Variants in IKZF3 observed in about 807,000 individuals in gnomAD.
IKZF3 encodes IKAROS family zinc finger 3.
A neutral mutation model predicts 49.0 loss-of-function variants in IKZF3; 10 were observed. That is an observed-to-expected ratio of 0.20 (90% CI 0.13 to 0.35). The LOEUF is 0.35. Among genes scored for constraint, IKZF3 ranks in the 10% least tolerant of loss-of-function variants. The pLI is 1.00. For synonymous variants in IKZF3, 209 were observed against 228.2 expected (o/e 0.92, Z 0.76); for missense variants, 498 against 664.8 (o/e 0.75, Z 2.76).
At chr17:39,795,914 C>T (rs949855292) in intron 3 of IKZF3, among the ~76,000 whole-genome samples, 4 of 151,636 alleles carry the variant, frequency 2.6e-5, no homozygotes, top group Non-Finnish European at 5.9e-5. Context: ...ATTAGCTGGG[C>T]ATGGTGGCTC....
chr17:39,777,552 C>T (rs1456756880), intron 7 of IKZF3, 99 bp downstream of exon 7: 1 of 725,230 alleles, frequency 1.4e-6, no homozygotes. Context: ...ATTATTTTAA[C>T]AGAGGTTAAG....
intron 3 of IKZF3, among the ~76,000 whole-genome samples, chr17:39,818,409 T>A (rs917085798): frequency 6.6e-6 from 1 of 152,194 alleles, no homozygotes; most frequent in Admixed American, 6.5e-5. Flanking sequence ...TTGTTGACTC[T>A]CTCTCAAAAT....
At chr17:39,859,495 C>T (rs1474723336) in intron 1 of IKZF3, among the ~76,000 whole-genome samples, 1 of 151,860 alleles carries the variant, frequency 6.6e-6, no homozygotes. Flanking sequence ...CTCAAGCCAT[C>T]TTCCTACCTC....
At chr17:39,768,406 G>A (rs531875575) in intron 7 of IKZF3, among the ~76,000 whole-genome samples, 1 of 152,336 alleles carries the variant, frequency 6.6e-6, no homozygotes, top group African/African-American at 2.4e-5. Flanking sequence ...GACGTGTGCA[G>A]AAAGCGAGTC....
intron 1 of IKZF3, among the ~76,000 whole-genome samples, chr17:39,855,195 C>G (rs2063000945): frequency 6.6e-6 from 1 of 152,166 alleles, no homozygotes; most frequent in Non-Finnish European, 1.5e-5. Flanking sequence ...ATTACACTTG[C>G]ATCTGATCCC....
intron 3 of IKZF3, among the ~76,000 whole-genome samples, chr17:39,796,542 C>CT (rs1224946640): frequency 0.077 from 10,391 of 134,984 alleles, 738 homozygotes; most frequent in African/African-American, 0.18. Flanking sequence ...ACATTCCTTT[C>CT]TTTTTTTTTT....
At chr17:39,829,583 C>A in intron 2 of IKZF3, 95 bp from the exon 3 acceptor site, 1 of 821,032 alleles carries the variant, frequency 1.2e-6, no homozygotes, top group South Asian at 1.6e-5. Context: ...TTCAGCTTCA[C>A]ACAATCCTTT....
intron 1 of IKZF3, among the ~76,000 whole-genome samples, chr17:39,848,235 G>A (rs1271527769): frequency 1.3e-5 from 2 of 152,016 alleles, no homozygotes; most frequent in Non-Finnish European, 2.9e-5. Context: ...TTTTCTCCTA[G>A]ATTAAGTGTT....
chr17:39,797,671 T>A (rs1441686989), intron 3 of IKZF3, among the ~76,000 whole-genome samples: 2 of 151,970 alleles, frequency 1.3e-5, no homozygotes, highest in Non-Finnish European at 2.9e-5. Flanking sequence ...GATCCACCTG[T>A]CTTGGCCTCC....
chr17:39,857,546 T>TG (rs573763855), intron 1 of IKZF3, among the ~76,000 whole-genome samples: 2 of 152,242 alleles, frequency 1.3e-5, no homozygotes, highest in South Asian at 4.1e-4. Context: ...TTGTATTTTG[T>TG]GGGGGGCATG....
intron 3 of IKZF3, among the ~76,000 whole-genome samples, chr17:39,810,460 G>T (rs1440818362): frequency 6.6e-6 from 1 of 151,908 alleles, no homozygotes; most frequent in African/African-American, 2.4e-5. Context: ...ACTCCATCAT[G>T]AATTTAAAAA....
Position 39,839,800 on chromosome 17 carries a change from C to CAGGT in IKZF3, c.8-7653_8-7650dup, listed in dbSNP as rs1295356268. On this transcript the variant is annotated intron_variant, in intron 1 of 7. Coordinates refer to ENST00000346872, the MANE Select transcript of IKZF3 (RefSeq NM_012481.5). ...TTAGCCTCTCGAGTAGCTGGGACTACAGGTAGGTGTCACCATGTCCAGCTA... is the reference window on the plus strand; with the variant it reads ...TTAGCCTCTCGAGTAGCTGGGACTACAGGTAGGTAGGTGTCACCATGTCCAGCTA... Among the ~76,000 whole-genome samples, 29 of 152,096 alleles carry CAGGT rather than the reference C, an allele frequency of 1.9e-4. 3 individuals carry two copies. Among genetic ancestry groups the CAGGT allele is most frequent in the Admixed American group, 1.0e-3 (16 of 15,264 alleles).
At chr17:39,832,052 T>G (rs777628819) in intron 2 of IKZF3, 46 bp downstream of exon 2, 2 of 1,399,390 alleles carry the variant, frequency 1.4e-6, no homozygotes, top group Non-Finnish European at 2.0e-6. Flanking sequence ...CTTTGGTATT[T>G]TTTTTAGTAA....
At chr17:39,832,585 A>G (rs192086413) in intron 1 of IKZF3, among the ~76,000 whole-genome samples, 2 of 152,202 alleles carry the variant, frequency 1.3e-5, no homozygotes. Flanking sequence ...TTGCAGCAAT[A>G]TGGATGGAGC....
At position 39,764,710 on chromosome 17, in the gene IKZF3, G is replaced by C. The variant is rs2060250068; in HGVS notation, c.*1080C>G. 1 of 152,170 alleles carries C rather than the reference G, an allele frequency of 6.6e-6. No homozygotes were observed. Among genetic ancestry groups the C allele is most frequent in the Non-Finnish European group, 1.5e-5 (1 of 68,034 alleles). 9.4% of individuals were successfully genotyped at this position (152,170 alleles called of 1,614,324 possible). On this transcript the variant is annotated 3_prime_UTR_variant, in exon 8 of 8. Transcript: ENST00000346872. ...GGAAAAAAAGGGCCGAAGCCTGCCT[G>C]ATCAAGGAGAACCTCTCAATAGAGG...
chr17:39,790,894 TAAAAA>T (rs563957346), intron 5 of IKZF3, among the ~76,000 whole-genome samples: 76 of 134,856 alleles, frequency 5.6e-4, no homozygotes, highest in African/African-American at 2.0e-3. Flanking sequence ...CATGTTTATT[TAAAAA>T]AAAAAAAAAA....
At chr17:39,775,052 TCTC>T (rs1484140743) in intron 7 of IKZF3, among the ~76,000 whole-genome samples, 1 of 152,146 alleles carries the variant, frequency 6.6e-6, no homozygotes, top group African/African-American at 2.4e-5. Flanking sequence ...ACCTATTCAG[TCTC>T]CTCATTTCAC....
At chr17:39,801,361 G>T (rs990774096) in intron 3 of IKZF3, among the ~76,000 whole-genome samples, 1 of 142,532 alleles carries the variant, frequency 7.0e-6, no homozygotes, top group African/African-American at 2.6e-5. Flanking sequence ...AAGGGGGTGG[G>T]GGGGGGCTTT....
chr17:39,856,719 T>C (rs2063070938), intron 1 of IKZF3, among the ~76,000 whole-genome samples: 1 of 151,686 alleles, frequency 6.6e-6, no homozygotes, highest in African/African-American at 2.4e-5. Flanking sequence ...GGCAGGAGAA[T>C]TGCTTGAACC....
Sources: allele counts gnomAD v4.1 joint callset (sites outside exome capture counted in the v4.1 genomes callset), GRCh38; gene constraint gnomAD v4.1.1; transcripts MANE v1.5; gene names NCBI Gene and HGNC (gene_info 2026-07-23, HGNC 2026-07-21).